Variants in RPL38 observed in about 807,000 individuals in gnomAD.
RPL38 encodes ribosomal protein L38, also known as large ribosomal subunit protein eL38.
Under a neutral mutation model 12.8 loss-of-function variants are expected in RPL38, and 2 were observed. That is an observed-to-expected ratio of 0.16 (90% CI 0.06 to 0.49). The LOEUF (loss-of-function observed/expected upper bound fraction) is 0.49. Ranked by LOEUF, RPL38 falls within the 20% of genes least tolerant of loss-of-function variation. The pLI is 0.96. For missense variants in RPL38, 52 were observed against 79.8 expected, an observed-to-expected ratio of 0.65 and a Z score of 1.33; for synonymous variants, 42 against 30.1, an observed-to-expected ratio of 1.39 and a Z score of -1.29.
At chr17:74,209,661 CTA>C (rs1472445104) in intron 4 of RPL38, 141 bp from the exon 5 acceptor site, 1 of 741,910 alleles carries the variant, frequency 1.3e-6, no homozygotes, top group Non-Finnish European at 2.3e-6. Context: ...TTATCAAACA[CTA>C]AATATTTTAA....
chr17:74,207,678 G>A (rs888936482), intron 3 of RPL38, among the ~76,000 whole-genome samples: 10 of 151,782 alleles, frequency 6.6e-5, no homozygotes, highest in Admixed American at 3.9e-4. Context: ...GCTAATTTTT[G>A]TATTTTTAGG....
intron 3 of RPL38, chr17:74,205,082 C>T (rs1005703647): frequency 6.6e-6 from 1 of 152,190 alleles, no homozygotes; most frequent in East Asian, 1.9e-4. Flanking sequence ...AGGTCTGTTT[C>T]CCAGCTTGTA....
chr17:74,204,086 C>T lies in RPL38; in HGVS notation c.4-44C>T, dbSNP rs902207061. On this transcript the variant is annotated intron_variant, in intron 2 of 4. Transcript: ENST00000311111. ...GGTGGACTGGGCCATCGCCGGGAGA[C>T]GTGTCTCTTTCCTCTCTGTTCACCC... is the stretch of plus-strand genomic sequence containing the variant. 5.0e-6 allele frequency: 8 copies of T among 1,611,994 alleles called. No individual in the cohort carries two copies. The East Asian group carries it at 1.6e-4, about 31-fold the overall frequency.
Position 74,209,217 on chromosome 17 carries a change from T to G in RPL38, c.95T>G (p.Val32Gly). The change falls in exon 4 of 5, where the codon GTG becomes GGG. Residue 32 changes from valine (V) to glycine (G), a missense_variant. Physicochemically the swap from Val to Gly is moderately radical, Grantham distance 109. Coordinates refer to ENST00000311111, the MANE Select transcript of RPL38 (RefSeq NM_000999.4). ...AAGATCAAGAAAAATAAGGACAACG[T>G]GAAGTTTAAAGTTCGATGCAGCAGA... ...SVKIKKNKDN[V>G]KFKVRCSRYL... The G allele has an allele frequency of 6.2e-7, 1 of 1,613,984 alleles. No homozygotes were observed. Among genetic ancestry groups the G allele is most frequent in the Non-Finnish European group, 8.5e-7 (1 of 1,179,932 alleles).
At chr17:74,209,103 T>C in intron 3 of RPL38, 84 bp from the exon 4 acceptor site, 1 of 1,458,454 alleles carries the variant, frequency 6.9e-7, no homozygotes, top group Non-Finnish European at 9.5e-7. Flanking sequence ...GCATGCTGCT[T>C]ACTGCTTGAG....
At chr17:74,209,360 T>C in intron 4 of RPL38, 51 bp downstream of exon 4, 1 of 1,599,948 alleles carries the variant, frequency 6.3e-7, no homozygotes, top group Non-Finnish European at 8.5e-7. Context: ...GGAAGGTTGC[T>C]GTGTGTGGCC....
At chr17:74,209,394 C>T in intron 4 of RPL38, 85 bp downstream of exon 4, 1 of 1,506,344 alleles carries the variant, frequency 6.6e-7, no homozygotes, top group South Asian at 1.2e-5. Flanking sequence ...TTTTGAATCC[C>T]TCTCAGATTT....
chr17:74,209,972 CTG>C lies in RPL38; in HGVS notation c.*147_*148del, dbSNP rs1382879450. The C allele has an allele frequency of 9.2e-6, 5 of 545,462 alleles. No individual in the cohort carries two copies. The highest frequency in any genetic ancestry group is 4.2e-5 in the African/African-American group (2 of 47,902). 33.8% of individuals were successfully genotyped at this position (545,462 alleles called of 1,614,324 possible). On this transcript the variant is annotated 3_prime_UTR_variant, in exon 5 of 5. Transcript: ENST00000311111. ...GGACGCGGGTTCTGTTGCTGCCTTCCTGTGTCTTTTTTTTTTTTTTTTTTTCT... is the reference window on the plus strand; with the variant it reads ...GGACGCGGGTTCTGTTGCTGCCTTCCTGTCTTTTTTTTTTTTTTTTTTTCT...
intron 2 of RPL38, 81 bp downstream of exon 2, chr17:74,204,039 T>G (rs781334809): frequency 6.2e-7 from 1 of 1,611,762 alleles, no homozygotes; most frequent in African/African-American, 1.3e-5. Flanking sequence ...CTCCCAAGGA[T>G]CTCCTGAGGC....
At chr17:74,206,427 G>T (rs1247668319) in intron 3 of RPL38, 3 of 152,168 alleles carry the variant, frequency 2.0e-5, no homozygotes, top group East Asian at 3.9e-4. Context: ...AAGCATAATT[G>T]TACAGTTCAG....
chr17:74,208,443 G>T (rs2050134623), intron 3 of RPL38, among the ~76,000 whole-genome samples: 1 of 152,188 alleles, frequency 6.6e-6, no homozygotes, highest in Admixed American at 6.6e-5. Context: ...CCCAGAAAAT[G>T]GATTCCACAT....
intron 3 of RPL38, among the ~76,000 whole-genome samples, chr17:74,208,452 A>G (rs945604534): frequency 2.0e-5 from 3 of 152,222 alleles, no homozygotes; most frequent in Non-Finnish European, 4.4e-5. Context: ...TGGATTCCAC[A>G]TAAATTCAAG....
intron 3 of RPL38, chr17:74,204,472 A>C: frequency 2.2e-6 from 1 of 449,390 alleles, no homozygotes; most frequent in Non-Finnish European, 4.0e-6. Flanking sequence ...TCGGAACGGA[A>C]TCTCCACTCC....
chr17:74,207,983 T>G (rs190761895), intron 3 of RPL38, among the ~76,000 whole-genome samples: 26 of 152,352 alleles, frequency 1.7e-4, no homozygotes, highest in African/African-American at 6.3e-4. Context: ...GTCACAGTGC[T>G]GCTTCCTCTG....
chr17:74,208,563 C>T (rs1006807602), intron 3 of RPL38, among the ~76,000 whole-genome samples: 27 of 152,202 alleles, frequency 1.8e-4, no homozygotes, highest in South Asian at 6.2e-4. Context: ...GCCTGATTTC[C>T]GGGAGTGGAG....
At chr17:74,209,781 T>G (rs749497961) in intron 4 of RPL38, 23 bp from the exon 5 acceptor site, 2 of 1,611,020 alleles carry the variant, frequency 1.2e-6, no homozygotes, top group Non-Finnish European at 8.5e-7. Context: ...CTGGATGGCT[T>G]ACTTTTGTCT....
intron 3 of RPL38, 48 bp from the exon 4 acceptor site, chr17:74,209,139 A>G (rs1567804899): frequency 1.2e-6 from 2 of 1,606,622 alleles, no homozygotes; most frequent in African/African-American, 1.3e-5. Context: ...ACTGTGTCAC[A>G]TCTGTTTTCT....
chr17:74,210,145 G>A lies in RPL38; in HGVS notation c.*316G>A, dbSNP rs1452585013. 3 of 260,044 alleles carry A rather than the reference G, an allele frequency of 1.2e-5. No individual in the cohort carries two copies. Among genetic ancestry groups the A allele is most frequent in the South Asian group, 1.3e-4 (2 of 15,166 alleles). 16.1% of individuals were successfully genotyped at this position (260,044 alleles called of 1,614,324 possible). ...TGGGATTACAGGCACACATCACCAC[G>A]CCTGGCCAATTTTTGTATTTGTAGT... On this transcript the variant is annotated 3_prime_UTR_variant, in exon 5 of 5. Transcript: ENST00000311111.
chr17:74,204,034 A>C (rs1175507762), intron 2 of RPL38, 76 bp downstream of exon 2: 2 of 1,609,676 alleles, frequency 1.2e-6, no homozygotes, highest in African/African-American at 2.7e-5. Context: ...AGAGCCTCCC[A>C]AGGATCTCCT....
Sources: allele counts gnomAD v4.1 joint callset (sites outside exome capture counted in the v4.1 genomes callset), GRCh38; gene constraint gnomAD v4.1.1; transcripts MANE v1.5; gene names NCBI Gene and HGNC (gene_info 2026-07-23, HGNC 2026-07-21).